The following ZMYND8 variants were observed in gnomAD, a reference collection of about 807,000 sequenced individuals.
The protein encoded by ZMYND8 is MYND-type zinc finger-containing chromatin reader ZMYND8.
Under a neutral mutation model 140.8 loss-of-function variants are expected in ZMYND8, and 37 were observed. The ratio of observed to expected loss-of-function variants is 0.26; its 90% confidence interval spans 0.20 to 0.35. The LOEUF (loss-of-function observed/expected upper bound fraction) is 0.35, where lower values mean the gene tolerates loss of function less well. ZMYND8 is among the 10% of genes least tolerant of loss of function. The pLI, the probability that ZMYND8 is intolerant of heterozygous loss-of-function variation, is 1.00. For missense variants in ZMYND8, 1,068 were observed against 1,570.0 expected, an observed-to-expected ratio of 0.68 and a Z score of 5.40; for synonymous variants, 592 against 597.1, an observed-to-expected ratio of 0.99 and a Z score of 0.12.
At chr20:47,329,743 G>A (rs895339234) in intron 2 of ZMYND8, among the ~76,000 whole-genome samples, 3 of 152,140 alleles carry the variant, frequency 2.0e-5, no homozygotes, top group Non-Finnish European at 2.9e-5. Flanking sequence ...AGCTAGTGGC[G>A]ACTGTGTTGG....
intron 17 of ZMYND8, among the ~76,000 whole-genome samples, chr20:47,228,678 T>C (rs910832682): frequency 1.3e-5 from 2 of 152,212 alleles, no homozygotes; most frequent in Non-Finnish European, 2.9e-5. Flanking sequence ...TTGTCTTCTG[T>C]TGAAGGGACC....
intron 3 of ZMYND8, among the ~76,000 whole-genome samples, chr20:47,303,453 C>A (rs939774013): frequency 1.3e-4 from 20 of 152,166 alleles, no homozygotes; most frequent in Admixed American, 1.2e-3. Flanking sequence ...CACAGTGGCT[C>A]ACGCCTGTAA....
At chr20:47,261,470 C>A (rs766330224) in intron 12 of ZMYND8, among the ~76,000 whole-genome samples, 1 of 151,862 alleles carries the variant, frequency 6.6e-6, no homozygotes, top group Non-Finnish European at 1.5e-5. Flanking sequence ...CCCAGGAGTT[C>A]AAGGTTGCAG....
At chr20:47,303,602 GGAA>G (rs1480202580) in intron 3 of ZMYND8, among the ~76,000 whole-genome samples, 2 of 152,094 alleles carry the variant, frequency 1.3e-5, no homozygotes, top group African/African-American at 4.8e-5. Context: ...GGTTGAGGCA[GGAA>G]GAAGTGCTTG....
At chr20:47,252,267 G>A (rs1249100059) in intron 12 of ZMYND8, among the ~76,000 whole-genome samples, 1 of 139,996 alleles carries the variant, frequency 7.1e-6, no homozygotes, top group African/African-American at 2.8e-5. Flanking sequence ...ACTCCAGCCT[G>A]GGCGACAGAG....
At position 47,239,113 on chromosome 20, in the gene ZMYND8, C is replaced by A; in HGVS notation, c.2310G>T (p.Thr770=). 6.6e-7 allele frequency: 1 copy of A among 1,505,580 alleles called. No individual in the cohort carries two copies. The allele number at this position is 1,505,580 out of a possible 1,614,324, so 93.3% of individuals were successfully genotyped here. A position where few individuals can be genotyped will look rare whatever the true frequency, so the allele number is the denominator to read the frequency against. The stretch of plus-strand genomic sequence containing the variant: ...CCGGGGGAGAATGGCTGCCCACCGT[C>A]GTGGATGGTGGAGTTTTACCTACAA... The part of the protein sequence containing the change: ...QDVVGKTPPS[T]TVGSHSPPET... Residue 770 remains threonine, a synonymous_variant, in exon 15 of 23, where the codon ACG becomes ACT. Transcript: ENST00000471951.
chr20:47,298,514 G>C lies in ZMYND8; in HGVS notation c.453+215C>G. The C allele has an allele frequency of 2.0e-6, 2 of 985,446 alleles. No homozygotes were observed. Among genetic ancestry groups the C allele is most frequent in the Non-Finnish European group, 2.4e-6 (2 of 829,944 alleles). The allele number at this position is 985,446 out of a possible 1,614,324, so 61.0% of individuals were successfully genotyped here. A position where few individuals can be genotyped will look rare whatever the true frequency, so the allele number is the denominator to read the frequency against. The stretch of plus-strand genomic sequence containing the variant: ...GAATCCAAGGACTCATGAGAAATCA[G>C]AAATAATATTCCGTGCAATTGTCTT... On this transcript the variant is annotated intron_variant, in intron 4 of 22. Coordinates refer to ENST00000471951, the MANE Select transcript of ZMYND8 (RefSeq NM_001281775.3). This position sits in a 1 kb window ranked among gnomAD's most constrained non-coding sequence, Gnocchi z 5.0.
rs1247818352 is a variant in ZMYND8 at position 47,276,483 on chromosome 20, A to G, written c.1311T>C (p.Ser437=). The G allele has an allele frequency of 6.2e-7, 1 of 1,613,366 alleles. No homozygotes were observed. Among genetic ancestry groups the G allele is most frequent in the Admixed American group, 1.7e-5 (1 of 59,920 alleles). ...PKILMSKPVL[S]GGTGRRISLS... ...AGGAAATCCGGCGGCCTGTGCCCCC[A>G]CTCAGCACAGGCTTGCTCATCAGGA... Residue 437 remains serine, a synonymous_variant, in exon 11 of 23, where the codon AGT becomes AGC. Transcript: ENST00000471951.
At chr20:47,282,251 C>G (rs775513931) in intron 9 of ZMYND8, 34 bp from the exon 10 acceptor site, 1 of 1,582,838 alleles carries the variant, frequency 6.3e-7, no homozygotes, top group African/African-American at 1.4e-5. Flanking sequence ...AGAGTTTGTA[C>G]ATATTTGACA....
chr20:47,337,335 A>C (rs1013189582), intron 2 of ZMYND8, among the ~76,000 whole-genome samples: 1 of 151,632 alleles, frequency 6.6e-6, no homozygotes, highest in Non-Finnish European at 1.5e-5. Flanking sequence ...ATGGAGGGAG[A>C]CTCTGTCTCA....
intron 2 of ZMYND8, among the ~76,000 whole-genome samples, chr20:47,326,784 T>G (rs559389330): frequency 6.6e-6 from 1 of 152,198 alleles, no homozygotes; most frequent in Non-Finnish European, 1.5e-5. Context: ...TCAAGAGATA[T>G]TCAGTCTGCT....
chr20:47,347,992 T>C (rs2082468869), intron 1 of ZMYND8, 66 bp from the exon 2 acceptor site: 1 of 1,517,082 alleles, frequency 6.6e-7, no homozygotes, highest in African/African-American at 1.4e-5. Flanking sequence ...GGGCAGCTAT[T>C]TGGAAGTTCT....
At chr20:47,328,201 A>C (rs910473195) in intron 2 of ZMYND8, among the ~76,000 whole-genome samples, 2 of 152,180 alleles carry the variant, frequency 1.3e-5, no homozygotes, top group African/African-American at 4.8e-5. Flanking sequence ...GAGAGGGATC[A>C]GAGACAAGGG....
At chr20:47,227,506 C>T (rs769189711) in intron 17 of ZMYND8, among the ~76,000 whole-genome samples, 3 of 152,014 alleles carry the variant, frequency 2.0e-5, no homozygotes, top group Non-Finnish European at 2.9e-5. Context: ...AATACTGGCA[C>T]GAGGGAAAGC....
intron 7 of ZMYND8, among the ~76,000 whole-genome samples, chr20:47,287,933 T>C (rs2077029028): frequency 6.6e-6 from 1 of 152,194 alleles, no homozygotes; most frequent in South Asian, 2.1e-4. Flanking sequence ...TGTGCCCATT[T>C]AATGAATGAG....
intron 2 of ZMYND8, among the ~76,000 whole-genome samples, chr20:47,315,708 A>C (rs2079331679): frequency 1.3e-5 from 2 of 152,132 alleles, no homozygotes; most frequent in Admixed American, 1.3e-4. Context: ...TTTCATCTAT[A>C]AACTTTGAAC....
Position 47,341,877 on chromosome 20 carries a change from C to A in ZMYND8, c.85+5979G>T, listed in dbSNP as rs182526967. 3.7e-3 allele frequency among the ~76,000 whole-genome samples: 557 copies of A among 152,232 alleles called. 4 individuals carry two copies. The highest frequency in any genetic ancestry group is 0.013 in the African/African-American group (521 of 41,556). On this transcript the variant is annotated intron_variant, in intron 2 of 22. Coordinates refer to ENST00000471951, the MANE Select transcript of ZMYND8 (RefSeq NM_001281775.3). ...AATTAGCCGGGCGTGGTGGCGGGCG[C>A]CTGTAATCCCAGCTACTTGGGAGGC...
intron 16 of ZMYND8, among the ~76,000 whole-genome samples, chr20:47,230,759 T>C (rs540133679): frequency 6.6e-6 from 1 of 152,290 alleles, no homozygotes; most frequent in African/African-American, 2.4e-5. Context: ...GAGTTGTGTA[T>C]CTGTCACCAC....
chr20:47,322,985 C>T (rs1324530561), intron 2 of ZMYND8, among the ~76,000 whole-genome samples: 2 of 152,176 alleles, frequency 1.3e-5, no homozygotes, highest in Non-Finnish European at 2.9e-5. Context: ...AGGTCTGAAT[C>T]CAGGTGCTGG....
Sources: gnomAD v4.1 joint callset for allele counts (sites outside exome capture counted in the v4.1 genomes callset) on GRCh38, gnomAD v4.1.1 for gene constraint, Gnocchi (gnomAD v3.1) non-coding constraint, MANE v1.5 for transcripts, NCBI Gene and HGNC (gene_info 2026-07-23, HGNC 2026-07-21) for gene names.